Variants in NFIB observed in about 807,000 individuals in gnomAD.
NFIB encodes nuclear factor I B, also known as nuclear factor 1 B-type.
In NFIB, 11 loss-of-function variants were observed where a neutral mutation model predicts 61.5. The observed-to-expected ratio is 0.18, with a 90% CI of 0.11 to 0.30. The LOEUF is 0.30. Among genes scored for constraint, NFIB ranks in the 10% least tolerant of loss-of-function variants. The probability of loss-of-function intolerance (pLI) is 1.00; values close to 1 mark genes in which losing one functional copy is unlikely to be tolerated. For synonymous variants in NFIB, 260 were observed against 216.5 expected (o/e 1.20, Z -1.76); for missense variants, 471 against 608.9 (o/e 0.77, Z 2.38).
At chr9:14,412,074 T>C in the NFIB span, among the ~76,000 whole-genome samples, 2 of 152,186 alleles carry the variant, frequency 1.3e-5, no homozygotes, top group African/African-American at 4.8e-5. Flanking sequence ...ATGATTGACT[T>C]TCAGCCAGAA....
At chr9:14,256,430 A>T (rs1259090263) in intron 2 of NFIB, among the ~76,000 whole-genome samples, 2 of 152,168 alleles carry the variant, frequency 1.3e-5, no homozygotes, top group East Asian at 3.9e-4. Flanking sequence ...TTTTCTCTTT[A>T]GACCAATTTC....
chr9:14,290,836 A>G (rs1300635938), intron 2 of NFIB, among the ~76,000 whole-genome samples: 1 of 152,102 alleles, frequency 6.6e-6, no homozygotes, highest in Non-Finnish European at 1.5e-5. Flanking sequence ...TATTCAGTAT[A>G]AATAACTTGC....
the NFIB span, among the ~76,000 whole-genome samples, chr9:14,488,691 T>C: frequency 6.6e-6 from 1 of 152,166 alleles, no homozygotes; most frequent in Non-Finnish European, 1.5e-5. Flanking sequence ...CAACCTTCCT[T>C]GAGTAATGAT....
At chr9:14,355,972 T>TAA (rs377112705) in intron 1 of NFIB, among the ~76,000 whole-genome samples, 6 of 97,222 alleles carry the variant, frequency 6.2e-5, no homozygotes, top group Non-Finnish European at 6.4e-5. Context: ...AACAAACAAA[T>TAA]AAAAAAAAAA....
the NFIB span, among the ~76,000 whole-genome samples, chr9:14,491,508 G>A: frequency 6.6e-6 from 1 of 152,194 alleles, no homozygotes; most frequent in Admixed American, 6.5e-5. Flanking sequence ...GTAGAAGATA[G>A]GGCTGAGAGA....
chr9:14,211,235 T>A lies in NFIB; in HGVS notation c.563-31455A>T, dbSNP rs764502481. ...CTGTGTGATTAACAGTAATATTACC[T>A]GGGCTATTTTTAAAATCTGGAATTA... On this transcript the variant is annotated intron_variant, in intron 2 of 10. Coordinates refer to ENST00000380953, the MANE Select transcript of NFIB (RefSeq NM_001190737.2). 4.6e-5 allele frequency among the ~76,000 whole-genome samples: 7 copies of A among 152,214 alleles called. No individual in the cohort carries two copies. In the South Asian group the frequency reaches 1.4e-3, roughly 31 times the overall value.
intron 1 of NFIB, among the ~76,000 whole-genome samples, chr9:14,354,564 A>G (rs1240766054): frequency 6.6e-6 from 1 of 152,178 alleles, no homozygotes; most frequent in East Asian, 1.9e-4. Flanking sequence ...AAGGGGCTAC[A>G]TGGTTGGGTT....
chr9:14,103,066 T>C (rs961247916), intron 10 of NFIB, among the ~76,000 whole-genome samples: 2 of 152,190 alleles, frequency 1.3e-5, no homozygotes, highest in African/African-American at 4.8e-5. Context: ...ACTGGCATTG[T>C]TTAGAAAGAG....
chr9:14,156,950 G>A (rs1289176917), intron 3 of NFIB, among the ~76,000 whole-genome samples: 1 of 152,176 alleles, frequency 6.6e-6, no homozygotes, highest in African/African-American at 2.4e-5. Context: ...TCAGAGATGT[G>A]AAGCATGGGT....
At chr9:14,239,269 T>C (rs1304654773) in intron 2 of NFIB, among the ~76,000 whole-genome samples, 1 of 152,198 alleles carries the variant, frequency 6.6e-6, no homozygotes, top group Admixed American at 6.5e-5. Context: ...AAATAACACA[T>C]AAATCCCATT....
intron 1 of NFIB, among the ~76,000 whole-genome samples, chr9:14,336,142 G>C (rs1456639225): frequency 1.3e-5 from 2 of 152,138 alleles, no homozygotes; most frequent in African/African-American, 2.4e-5. Flanking sequence ...TATTATCTTT[G>C]GATGAACTCT....
At chr9:14,183,531 G>A (rs1318520231) in intron 2 of NFIB, among the ~76,000 whole-genome samples, 1 of 151,846 alleles carries the variant, frequency 6.6e-6, no homozygotes, top group East Asian at 1.9e-4. Context: ...AGCCTCCCGA[G>A]TAGCTAGGAC....
chr9:14,453,180 G>A, the NFIB span, among the ~76,000 whole-genome samples: 1 of 152,198 alleles, frequency 6.6e-6, no homozygotes, highest in Non-Finnish European at 1.5e-5. Flanking sequence ...CCTGCTCAAA[G>A]ACAGGATCAC....
chr9:14,504,372 G>T, the NFIB span, among the ~76,000 whole-genome samples: 1 of 152,102 alleles, frequency 6.6e-6, no homozygotes, highest in Admixed American at 6.6e-5. Flanking sequence ...AAGAATGATG[G>T]TGGTGCTTTG....
chr9:14,464,390 G>A, the NFIB span, among the ~76,000 whole-genome samples: 2 of 152,156 alleles, frequency 1.3e-5, no homozygotes, highest in Admixed American at 6.5e-5. Context: ...AGTGCTGTGT[G>A]TGGAAGGAGC....
chr9:14,102,643 A>AT (rs1188039016), intron 10 of NFIB: 2 of 605,714 alleles, frequency 3.3e-6, no homozygotes, highest in African/African-American at 3.8e-5. Context: ...TAAAGAAAAA[A>AT]AAAAAGCAAA....
intron 2 of NFIB, among the ~76,000 whole-genome samples, chr9:14,264,165 G>A (rs184292096): frequency 6.6e-6 from 1 of 150,892 alleles, no homozygotes; most frequent in Admixed American, 6.6e-5. Context: ...ATATAGAAAC[G>A]ACTATTTAAA....
chr9:14,400,456 C>G (rs1362415651), upstream of NFIB, among the ~76,000 whole-genome samples: 3 of 151,806 alleles, frequency 2.0e-5, no homozygotes, highest in Non-Finnish European at 4.4e-5. Flanking sequence ...TTTTTTGACC[C>G]AACTTTGGAT....
intron 6 of NFIB, among the ~76,000 whole-genome samples, chr9:14,141,044 C>A (rs1002355718): frequency 2.6e-5 from 4 of 152,166 alleles, no homozygotes; most frequent in African/African-American, 7.2e-5. Flanking sequence ...TACTCTCTAG[C>A]CCCCAGTGTT....
Sources: allele counts gnomAD v4.1 joint callset (sites outside exome capture counted in the v4.1 genomes callset), GRCh38; gene constraint gnomAD v4.1.1; transcripts MANE v1.5; gene names NCBI Gene and HGNC (gene_info 2026-07-23, HGNC 2026-07-21).